Variants in SECISBP2L observed in about 807,000 individuals in gnomAD.
The protein encoded by SECISBP2L is SECIS binding protein 2 like.
A neutral mutation model predicts 114.7 loss-of-function variants in SECISBP2L; 43 were observed. That is an observed-to-expected ratio of 0.38 (90% confidence interval 0.29 to 0.48). The LOEUF (loss-of-function observed/expected upper bound fraction) is 0.48, where lower values mean the gene tolerates loss of function less well. Among genes scored for constraint, SECISBP2L ranks in the 20% least tolerant of loss-of-function variants. The pLI is 0.98. For missense variants in SECISBP2L, 1,136 were observed against 1,301.1 expected (o/e 0.87, Z 1.95); for synonymous variants, 451 against 439.7 (o/e 1.03, Z -0.32).
At chr15:48,994,499 T>A (rs997947465) in intron 17 of SECISBP2L, among the ~76,000 whole-genome samples, 3 of 152,176 alleles carry the variant, frequency 2.0e-5, no homozygotes, top group African/African-American at 7.2e-5. Flanking sequence ...TCCTACTGCC[T>A]TCTGACCCTG....
intron 11 of SECISBP2L, among the ~76,000 whole-genome samples, chr15:49,014,957 G>A (rs1026797950): frequency 1.3e-5 from 2 of 151,556 alleles, no homozygotes; most frequent in East Asian, 3.9e-4. Context: ...AATTGAAGTT[G>A]TAACAATAAG....
intron 1 of SECISBP2L, among the ~76,000 whole-genome samples, chr15:49,040,270 A>G (rs570803147): frequency 8.5e-5 from 13 of 152,302 alleles, no homozygotes; most frequent in Admixed American, 5.2e-4. Context: ...TTCAACAATA[A>G]AACTCACAAA....
At chr15:49,030,542 C>T (rs1902864204) in intron 4 of SECISBP2L, among the ~76,000 whole-genome samples, 1 of 152,144 alleles carries the variant, frequency 6.6e-6, no homozygotes, top group Non-Finnish European at 1.5e-5. Flanking sequence ...CATGCTAATC[C>T]TTTGTCAGTT....
chr15:49,024,773 T>A (rs957225780), intron 7 of SECISBP2L, among the ~76,000 whole-genome samples: 6 of 152,166 alleles, frequency 3.9e-5, no homozygotes, highest in Non-Finnish European at 8.8e-5. Flanking sequence ...AGACTCTGCA[T>A]CTCAAAAATC....
intron 4 of SECISBP2L, among the ~76,000 whole-genome samples, chr15:49,032,598 G>T (rs1487310224): frequency 6.6e-6 from 1 of 152,112 alleles, no homozygotes; most frequent in East Asian, 1.9e-4. Flanking sequence ...TAGGATATTA[G>T]GATGTTTTAT....
chr15:48,990,429 T>A lies in SECISBP2L; in HGVS notation c.*1815A>T, dbSNP rs908553927. 6.6e-6 allele frequency: 1 copy of A among 152,368 alleles called. No homozygotes were observed. The highest frequency in any genetic ancestry group is 2.4e-5 in the African/African-American group (1 of 41,454). 9.4% of individuals were successfully genotyped at this position (152,368 alleles called of 1,614,324 possible). A position where few individuals can be genotyped will look rare whatever the true frequency, so the allele number is the denominator to read the frequency against. The stretch of plus-strand genomic sequence containing the variant: ...ATGAGTACTATTTCAGAGGCTTCAT[T>A]CCTTACCTGCTGTGTTCCTTTAAAT... On this transcript the variant is annotated 3_prime_UTR_variant, in exon 18 of 18. Transcript: ENST00000559471.
intron 14 of SECISBP2L, among the ~76,000 whole-genome samples, chr15:49,007,223 G>A (rs1902342474): frequency 6.6e-6 from 1 of 152,224 alleles, no homozygotes; most frequent in East Asian, 1.9e-4. Context: ...TGTATGAGGA[G>A]TCTGTCAACC....
chr15:49,016,137 G>C (rs1902531255), intron 11 of SECISBP2L, among the ~76,000 whole-genome samples: 1 of 152,210 alleles, frequency 6.6e-6, no homozygotes, highest in South Asian at 2.1e-4. Flanking sequence ...AGAGGATTCT[G>C]AGCAGTGAAG....
At chr15:49,015,298 T>C (rs1359151223) in intron 11 of SECISBP2L, among the ~76,000 whole-genome samples, 1 of 152,180 alleles carries the variant, frequency 6.6e-6, no homozygotes, top group Non-Finnish European at 1.5e-5. Flanking sequence ...AAGTGAGAGA[T>C]TACTGCCACT....
At position 48,996,301 on chromosome 15, in the gene SECISBP2L, T is replaced by C. The variant is rs929693045; in HGVS notation, c.2623+66A>G. 4.6e-5 allele frequency: 64 copies of C among 1,399,682 alleles called. 3 individuals are homozygous for C. Among genetic ancestry groups the C allele is most frequent in the South Asian group, 7.9e-5 (6 of 76,374 alleles). 86.7% of individuals were successfully genotyped at this position (1,399,682 alleles called of 1,614,324 possible). A position where few individuals can be genotyped will look rare whatever the true frequency, so the allele number is the denominator to read the frequency against. On this transcript the variant is annotated intron_variant, in intron 17 of 17. Transcript: ENST00000559471. Reference sequence around the variant, plus strand: ...AAGAATAAAGATTAAAAATAAAAGGTAGAATAGAAAGTCATTTAAATCATC... The same window carrying C: ...AAGAATAAAGATTAAAAATAAAAGGCAGAATAGAAAGTCATTTAAATCATC...
intron 1 of SECISBP2L, among the ~76,000 whole-genome samples, chr15:49,038,267 T>G (rs1426838028): frequency 6.6e-6 from 1 of 151,998 alleles, no homozygotes; most frequent in Non-Finnish European, 1.5e-5. Flanking sequence ...GAAAAAATAC[T>G]TAACATTAAC....
intron 4 of SECISBP2L, among the ~76,000 whole-genome samples, chr15:49,031,859 G>T (rs1239004996): frequency 6.6e-6 from 1 of 152,036 alleles, no homozygotes; most frequent in African/African-American, 2.4e-5. Context: ...CCTTCCCAGG[G>T]TTAAAAGCAC....
rs548784811 is a variant in SECISBP2L, at chr15:49,007,431, A to T, written c.2027+1785T>A. Among the ~76,000 whole-genome samples, 5 of 152,314 alleles carry T rather than the reference A, an allele frequency of 3.3e-5. No individual in the cohort carries two copies. In the East Asian group the frequency reaches 9.7e-4, roughly 29 times the overall value. On this transcript the variant is annotated intron_variant, in intron 14 of 17. Coordinates refer to ENST00000559471, the MANE Select transcript of SECISBP2L (RefSeq NM_001193489.2). ...CCCCAAGATGCTCTGTCCCAGGCAG[A>T]TGGGAGTTTTATCTGTAAGCCCGTG...
chr15:49,034,898 A>G lies in SECISBP2L; in HGVS notation c.528+436T>C, dbSNP rs926243313. Among the ~76,000 whole-genome samples, 26 of 152,134 alleles carry G rather than the reference A, an allele frequency of 1.7e-4. No homozygotes were observed. In the South Asian group the frequency reaches 2.3e-3, roughly 13 times the overall value. ...GACTGGTCTCAAACTCTTGGGCTCA[A>G]GCGACTAGCCTGCCTCGGCCTCCCA... On this transcript the variant is annotated intron_variant, in intron 3 of 17. Coordinates refer to ENST00000559471, the MANE Select transcript of SECISBP2L (RefSeq NM_001193489.2).
chr15:49,011,233 A>C (rs1902431383), intron 13 of SECISBP2L, among the ~76,000 whole-genome samples: 1 of 152,224 alleles, frequency 6.6e-6, no homozygotes, highest in Non-Finnish European at 1.5e-5. Flanking sequence ...TACCAACTGG[A>C]ATCATATGTG....
intron 4 of SECISBP2L, among the ~76,000 whole-genome samples, chr15:49,029,570 T>C (rs1217374228): frequency 6.6e-6 from 1 of 152,102 alleles, no homozygotes; most frequent in African/African-American, 2.4e-5. Context: ...GACACCTGAG[T>C]TGTTTTGGAG....
chr15:49,024,275 A>G (rs1902697576), intron 7 of SECISBP2L, among the ~76,000 whole-genome samples: 1 of 152,124 alleles, frequency 6.6e-6, no homozygotes, highest in Non-Finnish European at 1.5e-5. Flanking sequence ...AGGTGGGTGG[A>G]TCACGAGGTC....
intron 16 of SECISBP2L, 26 bp from the exon 17 acceptor site, chr15:48,996,612 A>T (rs1001506937): frequency 6.3e-6 from 10 of 1,592,598 alleles, no homozygotes; most frequent in Non-Finnish European, 7.7e-6. Context: ...ATTTTGATTA[A>T]TCCATTTTTT....
intron 13 of SECISBP2L, among the ~76,000 whole-genome samples, chr15:49,009,663 T>C (rs1361714691): frequency 2.0e-5 from 3 of 150,802 alleles, no homozygotes; most frequent in Non-Finnish European, 1.5e-5. Context: ...CGCTTGAATC[T>C]GGGAGTTTGA....
Sources: gnomAD v4.1 joint callset for allele counts (sites outside exome capture counted in the v4.1 genomes callset) on GRCh38, gnomAD v4.1.1 for gene constraint, MANE v1.5 for transcripts, NCBI Gene and HGNC (gene_info 2026-07-23, HGNC 2026-07-21) for gene names.